Variants in KLHL4 observed in about 807,000 individuals in gnomAD.
KLHL4 encodes kelch like family member 4.
Under a neutral mutation model 45.8 loss-of-function variants are expected in KLHL4, and 17 were observed. That is an observed-to-expected ratio of 0.37 (90% confidence interval 0.25 to 0.56). KLHL4 has a LOEUF of 0.56. Among genes scored for constraint, KLHL4 ranks in the 20% least tolerant of loss-of-function variants. The pLI, the probability that KLHL4 is intolerant of heterozygous loss-of-function variation, is 0.79. For synonymous variants in KLHL4, 224 were observed against 189.9 expected (o/e 1.18, Z -1.47); for missense variants, 544 against 544.9 (o/e 1.00, Z 0.02).
chrX:87,536,051 A>C (rs1055526292), intron 1 of KLHL4, among the ~76,000 whole-genome samples: 1 of 110,889 alleles, frequency 9.0e-6, no homozygotes, highest in Non-Finnish European at 1.9e-5. Flanking sequence ...TCTCTTTATA[A>C]ATTACTGTGT....
intron 6 of KLHL4, among the ~76,000 whole-genome samples, chrX:87,631,811 A>G (rs1484452147): frequency 1.8e-5 from 2 of 112,498 alleles, no homozygotes; most frequent in Non-Finnish European, 3.7e-5. Context: ...AAAAGCATAA[A>G]TTAGTATGTT....
intron 6 of KLHL4, among the ~76,000 whole-genome samples, chrX:87,631,590 C>G (rs1000875954): frequency 1.3e-4 from 14 of 111,850 alleles, no homozygotes; most frequent in African/African-American, 4.6e-4. Context: ...TGGCCCACTG[C>G]AGCCTCCGCC....
At chrX:87,588,351 A>G (rs1414921437) in intron 1 of KLHL4, among the ~76,000 whole-genome samples, 3 of 112,178 alleles carry the variant, frequency 2.7e-5, no homozygotes, top group Non-Finnish European at 5.6e-5. Flanking sequence ...TATACTAAGC[A>G]AAAAGAACAA....
chrX:87,641,046 C>CGTGA (rs748568666), intron 9 of KLHL4, among the ~76,000 whole-genome samples: 74 of 111,976 alleles, frequency 6.6e-4, no homozygotes, highest in Non-Finnish European at 1.2e-3. Flanking sequence ...TCATGGTGGA[C>CGTGA]GTGAGGCAGG....
intron 1 of KLHL4, among the ~76,000 whole-genome samples, chrX:87,572,427 T>C (rs1932352659): frequency 9.0e-6 from 1 of 111,058 alleles, no homozygotes; most frequent in African/African-American, 3.3e-5. Context: ...TCTTTCTCTC[T>C]ATTAATGAGC....
chrX:87,656,586 A>G (rs1426273669), intron 9 of KLHL4, among the ~76,000 whole-genome samples: 1 of 107,725 alleles, frequency 9.3e-6, no homozygotes, highest in Non-Finnish European at 1.9e-5. Context: ...TATCATTCAT[A>G]TCCTGGATTG....
chrX:87,595,876 G>A (rs983767025), intron 1 of KLHL4, among the ~76,000 whole-genome samples: 2 of 111,457 alleles, frequency 1.8e-5, no homozygotes, highest in African/African-American at 6.5e-5. Flanking sequence ...ACATAGTTTG[G>A]ATGTTGTCCC....
In KLHL4 at chrX:87,661,571, T is replaced by C. The variant is rs986900846; in HGVS notation, c.1926-3193T>C. Among the ~76,000 whole-genome samples, 9 of 111,487 alleles carry C rather than the reference T, an allele frequency of 8.1e-5. No homozygotes were observed. In the South Asian group the frequency reaches 1.5e-3, roughly 18 times the overall value. On this transcript the variant is annotated intron_variant, in intron 9 of 10. Coordinates refer to ENST00000373119, the MANE Select transcript of KLHL4 (RefSeq NM_019117.5). ...AAATGTCTATATCAATTTAAATATGTATTTACACAAGCCACTAAAAATATA... is the reference window on the plus strand; with the variant it reads ...AAATGTCTATATCAATTTAAATATGCATTTACACAAGCCACTAAAAATATA...
intron 1 of KLHL4, among the ~76,000 whole-genome samples, chrX:87,526,426 A>G (rs1931111501): frequency 8.9e-6 from 1 of 112,107 alleles, no homozygotes; most frequent in Non-Finnish European, 1.9e-5. Context: ...GCATAGTTGG[A>G]GAGATAAAGT....
intron 9 of KLHL4, among the ~76,000 whole-genome samples, chrX:87,644,703 A>G (rs184576862): frequency 2.2e-3 from 244 of 112,083 alleles, no homozygotes; most frequent in African/African-American, 7.2e-3. Context: ...GTGTAAAAAT[A>G]GGCACATAGA....
chrX:87,532,674 G>A (rs1193327077), intron 1 of KLHL4, among the ~76,000 whole-genome samples: 3 of 104,242 alleles, frequency 2.9e-5, no homozygotes, highest in Non-Finnish European at 3.9e-5. Context: ...GGATTCCTAG[G>A]TATTTTATTC....
At chrX:87,536,430 TTTAA>T (rs1445407599) in intron 1 of KLHL4, among the ~76,000 whole-genome samples, 2 of 111,496 alleles carry the variant, frequency 1.8e-5, no homozygotes, top group Non-Finnish European at 3.8e-5. Flanking sequence ...CTGTAGATAA[TTTAA>T]TTAGTCTTCC....
intron 1 of KLHL4, among the ~76,000 whole-genome samples, chrX:87,529,466 C>G (rs1261498156): frequency 9.3e-6 from 1 of 107,166 alleles, no homozygotes; most frequent in African/African-American, 3.3e-5. Context: ...TAATATTATA[C>G]CTTAACTGGA....
chrX:87,625,660 T>C lies in KLHL4; in HGVS notation c.1188T>C (p.Cys396=). 1 of 1,209,283 alleles carries C rather than the reference T, an allele frequency of 8.3e-7. No homozygotes were observed. The highest frequency in any genetic ancestry group is 1.1e-6 in the Non-Finnish European group (1 of 893,990). The part of the protein sequence containing the change: ...TSSMFTGDLE[C]QKLLMEAMKY... ...CCATGTTTACTGGTGATCTTGAGTG[T>C]CAGAAGCTCCTGATGGAAGCTATGA... The change falls in exon 6 of 11, where the codon TGT becomes TGC. Residue 396 remains cysteine (C), a synonymous_variant. Transcript: ENST00000373119.
At chrX:87,594,566 G>A (rs1223602594) in intron 1 of KLHL4, among the ~76,000 whole-genome samples, 2 of 111,171 alleles carry the variant, frequency 1.8e-5, no homozygotes, top group African/African-American at 6.5e-5. Context: ...AAACCAACTA[G>A]AACAGGGCCT....
intron 1 of KLHL4, among the ~76,000 whole-genome samples, chrX:87,563,083 G>A (rs369428360): frequency 5.3e-4 from 59 of 111,129 alleles, no homozygotes; most frequent in African/African-American, 1.9e-3. Context: ...TACAGATATG[G>A]CTGCAGTGAT....
chrX:87,645,347 G>T (rs1343525097), intron 9 of KLHL4, among the ~76,000 whole-genome samples: 1 of 111,720 alleles, frequency 9.0e-6, no homozygotes, highest in African/African-American at 3.3e-5. Context: ...AAACCACAAT[G>T]CAATACCACC....
intron 1 of KLHL4, among the ~76,000 whole-genome samples, chrX:87,528,255 A>G (rs752393589): frequency 1.3e-4 from 15 of 111,745 alleles, no homozygotes; most frequent in Non-Finnish European, 2.3e-4. Flanking sequence ...TGAAATAAAA[A>G]TACAATTGTA....
intron 1 of KLHL4, among the ~76,000 whole-genome samples, chrX:87,594,970 A>G (rs752120452): frequency 3.1e-4 from 34 of 110,156 alleles, no homozygotes; most frequent in Non-Finnish European, 5.7e-4. Flanking sequence ...GCTTTGTTCC[A>G]GGGGGTAGTA....
Sources: allele counts gnomAD v4.1 joint callset (sites outside exome capture counted in the v4.1 genomes callset), GRCh38; gene constraint gnomAD v4.1.1; transcripts MANE v1.5; gene names NCBI Gene and HGNC (gene_info 2026-07-23, HGNC 2026-07-21).